Variants in SMYD3 observed in about 807,000 individuals in gnomAD.
The protein encoded by SMYD3 is histone-lysine N-methyltransferase SMYD3.
Under a neutral mutation model 57.7 loss-of-function variants are expected in SMYD3, and 36 were observed. The ratio of observed to expected loss-of-function variants is 0.62; its 90% CI spans 0.48 to 0.82. The LOEUF (loss-of-function observed/expected upper bound fraction) is 0.82. Among genes scored for constraint, SMYD3 ranks in the 40% least tolerant of loss-of-function variants. The pLI is 0.00. For missense variants in SMYD3, 515 were observed against 538.8 expected (o/e 0.96, Z 0.44); for synonymous variants, 211 against 195.0 (o/e 1.08, Z -0.68).
At chr1:246,460,125 T>G (rs993693589) in intron 1 of SMYD3, among the ~76,000 whole-genome samples, 1 of 152,226 alleles carries the variant, frequency 6.6e-6, no homozygotes, top group African/African-American at 2.4e-5. Flanking sequence ...GGTTTCTATT[T>G]CCTGCAAACA....
At position 246,222,442 on chromosome 1, in the gene SMYD3, T is replaced by G. The variant is rs140671429; in HGVS notation, c.531+104759A>C. On this transcript the variant is annotated intron_variant, in intron 5 of 11. Coordinates refer to ENST00000490107, the MANE Select transcript of SMYD3 (RefSeq NM_001167740.2). ...CTGTGCCTCATTAGCTGTGTAAACT[T>G]AAACAAGTAACTTAATTTCTCACAG... Among the ~76,000 whole-genome samples the G allele has an allele frequency of 9.0e-4, 137 of 152,232 alleles. 1 individual carries two copies. Among genetic ancestry groups the G allele is most frequent in the African/African-American group, 3.1e-3 (128 of 41,522 alleles).
At chr1:245,953,331 T>C (rs2057724355) in intron 5 of SMYD3, 6 of 992,818 alleles carry the variant, frequency 6.0e-6, no homozygotes, top group Non-Finnish European at 7.3e-6. Context: ...TTCAATTAAC[T>C]AAAAACATTT....
At chr1:245,958,280 CA>C (rs1406011665) in intron 5 of SMYD3, among the ~76,000 whole-genome samples, 8 of 152,170 alleles carry the variant, frequency 5.3e-5, no homozygotes, top group African/African-American at 1.9e-4. Context: ...TATAAAATAA[CA>C]TTCTGACAAT....
At chr1:246,100,346 T>A (rs2060987280) in intron 5 of SMYD3, among the ~76,000 whole-genome samples, 1 of 152,228 alleles carries the variant, frequency 6.6e-6, no homozygotes, top group Non-Finnish European at 1.5e-5. Flanking sequence ...GGAAAACATG[T>A]CAACTGTGAC....
rs143111943 is a variant in SMYD3 at position 246,180,931 on chromosome 1, G to A, written c.531+146270C>T. Among the ~76,000 whole-genome samples the A allele has an allele frequency of 3.5e-3, 539 of 152,084 alleles. 2 individuals are homozygous for A. The highest frequency in any genetic ancestry group is 8.0e-3 in the Admixed American group (122 of 15,264). ...GTAAGGAGCCATAAAGAGATGTGAC[G>A]TGCTTTAAAAGCAACAAAATATCAG... On this transcript the variant is annotated intron_variant, in intron 5 of 11. Coordinates refer to ENST00000490107, the MANE Select transcript of SMYD3 (RefSeq NM_001167740.2).
intron 8 of SMYD3, among the ~76,000 whole-genome samples, chr1:245,892,237 G>A (rs2053433436): frequency 6.6e-6 from 1 of 152,152 alleles, no homozygotes; most frequent in African/African-American, 2.4e-5. Context: ...GGGAACTGAG[G>A]ATGCTGTATT....
intron 10 of SMYD3, among the ~76,000 whole-genome samples, chr1:245,778,665 G>T (rs1387371690): frequency 6.6e-6 from 1 of 152,074 alleles, no homozygotes; most frequent in Non-Finnish European, 1.5e-5. Flanking sequence ...ATATATCAAG[G>T]TCAATGATGA....
At chr1:245,839,350 T>C (rs10924355) in intron 10 of SMYD3, among the ~76,000 whole-genome samples, 62,382 of 151,592 alleles carry the variant, frequency 0.41, 14,459 homozygotes, top group East Asian at 0.87. Context: ...TTTGTATTTT[T>C]AGTAGAGACG....
In SMYD3 at chr1:245,955,155, G is replaced by C. The variant is rs539964636; in HGVS notation, c.532-25218C>G. Reference sequence around the variant, plus strand: ...CGCCCAGGCTGGACTGCAGTGGCGCGATCTCAGCTCACTGCAAGTTCCGCC... The same window carrying C: ...CGCCCAGGCTGGACTGCAGTGGCGCCATCTCAGCTCACTGCAAGTTCCGCC... On this transcript the variant is annotated intron_variant, in intron 5 of 11. Transcript: ENST00000490107. Among the ~76,000 whole-genome samples the C allele has an allele frequency of 5.3e-5, 8 of 152,096 alleles. 1 individual carries two copies. The highest frequency in any genetic ancestry group is 5.2e-4 in the Admixed American group (8 of 15,280).
At chr1:246,219,981 A>G (rs4654221) in intron 5 of SMYD3, among the ~76,000 whole-genome samples, 23,337 of 152,200 alleles carry the variant, frequency 0.15, 2,387 homozygotes, top group East Asian at 0.34. Context: ...TGAGAGCTGC[A>G]GGTGAGTAAA....
intron 1 of SMYD3, among the ~76,000 whole-genome samples, chr1:246,375,159 T>C (rs80067120): frequency 1.3e-3 from 193 of 152,258 alleles, no homozygotes; most frequent in South Asian, 5.4e-3. Flanking sequence ...GGTTATGTAC[T>C]GATCAGGTGA....
chr1:246,267,290 T>A (rs1468975236), intron 5 of SMYD3, among the ~76,000 whole-genome samples: 1 of 152,180 alleles, frequency 6.6e-6, no homozygotes, highest in African/African-American at 2.4e-5. Context: ...AACATATTAA[T>A]TGAAGGTGAT....
rs562895300 is a variant in SMYD3, at chr1:245,914,848, T to C, written c.813+682A>G. On this transcript the variant is annotated intron_variant, in intron 8 of 11. Coordinates refer to ENST00000490107, the MANE Select transcript of SMYD3 (RefSeq NM_001167740.2). The stretch of plus-strand genomic sequence containing the variant: ...GTATACACATAATTAAGTATCACTC[T>C]GTATCCCAAAATATGTGCAATTATT... Among the ~76,000 whole-genome samples, 101 of 146,128 alleles carry C rather than the reference T, an allele frequency of 6.9e-4. 1 individual carries two copies. Among genetic ancestry groups the C allele is most frequent in the Admixed American group, 6.9e-3 (101 of 14,674 alleles).
At chr1:246,059,780 C>G (rs1363289987) in intron 5 of SMYD3, among the ~76,000 whole-genome samples, 1 of 152,032 alleles carries the variant, frequency 6.6e-6, no homozygotes, top group African/African-American at 2.4e-5. Context: ...AGAAATGTGC[C>G]CCTTGCTTGT....
At chr1:246,352,443 G>A (rs1036887242) in intron 2 of SMYD3, among the ~76,000 whole-genome samples, 1 of 152,204 alleles carries the variant, frequency 6.6e-6, no homozygotes, top group Non-Finnish European at 1.5e-5. Flanking sequence ...TTAATTTTGC[G>A]TAGTTTTGTG....
intron 1 of SMYD3, among the ~76,000 whole-genome samples, chr1:246,364,641 T>C (rs1251869747): frequency 6.6e-6 from 1 of 152,160 alleles, no homozygotes; most frequent in East Asian, 1.9e-4. Context: ...CTTGAATACA[T>C]CAGGTACCTC....
intron 1 of SMYD3, among the ~76,000 whole-genome samples, chr1:246,427,569 G>C (rs1452718981): frequency 6.6e-6 from 1 of 151,686 alleles, no homozygotes; most frequent in Non-Finnish European, 1.5e-5. Context: ...ATACATTTAA[G>C]AAAGATTAAG....
rs528230847 is a variant in SMYD3 at position 245,892,195 on chromosome 1, G to C, written c.813+23335C>G. On this transcript the variant is annotated intron_variant, in intron 8 of 11. Coordinates refer to ENST00000490107, the MANE Select transcript of SMYD3 (RefSeq NM_001167740.2). ...TAAAAAACTGTTAAGAAAATTATGTGAACAATTCAGAGACTCTGATCAGCA... is the reference window on the plus strand; with the variant it reads ...TAAAAAACTGTTAAGAAAATTATGTCAACAATTCAGAGACTCTGATCAGCA... Among the ~76,000 whole-genome samples, 19 of 152,234 alleles carry C rather than the reference G, an allele frequency of 1.2e-4. No individual in the cohort carries two copies. In the South Asian group the frequency reaches 3.7e-3, roughly 30 times the overall value.
At chr1:246,506,981 C>CCCCCCACCCCCCCCCCCCCCCCCA in intron 1 of SMYD3, 73 bp downstream of exon 1, 1 of 805,620 alleles carries the variant, frequency 1.2e-6, no homozygotes, top group East Asian at 4.7e-5. Flanking sequence ...GGCTGCCGGC[C>CCCCCCACCCCCCCCCCCCCCCCCA]GCCCGACGCC....
Sources: gnomAD v4.1 joint callset for allele counts (sites outside exome capture counted in the v4.1 genomes callset) on GRCh38, gnomAD v4.1.1 for gene constraint, MANE v1.5 for transcripts, NCBI Gene and HGNC (gene_info 2026-07-23, HGNC 2026-07-21) for gene names.